The following CHDH variants were observed in gnomAD, a reference collection of about 807,000 sequenced individuals.
CHDH encodes choline dehydrogenase.
Under a neutral mutation model 56.9 loss-of-function variants are expected in CHDH, and 43 were observed. The ratio of observed to expected loss-of-function variants is 0.76; its 90% CI spans 0.59 to 0.97. The LOEUF (loss-of-function observed/expected upper bound fraction) is 0.97, where lower values mean the gene tolerates loss of function less well. Among genes scored for constraint, CHDH ranks in the 50% least tolerant of loss-of-function variants. The probability of loss-of-function intolerance (pLI) is 0.00; values close to 1 mark genes in which losing one functional copy is unlikely to be tolerated. For synonymous variants in CHDH, 364 were observed against 348.5 expected, an observed-to-expected ratio of 1.04 and a Z score of -0.50; for missense variants, 816 against 821.1, an observed-to-expected ratio of 0.99 and a Z score of 0.08.
At position 53,823,896 on chromosome 3, in the gene CHDH, C is replaced by T. The variant is rs748813760; in HGVS notation, c.113G>A (p.Arg38Gln). ...RALASAGSES[R>Q]DEYSYVVVGA... ...CACCACCACATAGCTGTACTCGTCCCGGCTCTCAGAGCCTGCGCTGGCCAG... is the reference window on the plus strand; with the variant it reads ...CACCACCACATAGCTGTACTCGTCCTGGCTCTCAGAGCCTGCGCTGGCCAG... Residue 38 changes from arginine (R) to glutamine (Q), a missense_variant, in exon 3 of 9, where the codon CGG becomes CAG. Transcript: ENST00000315251. 4.4e-6 allele frequency: 7 copies of T among 1,579,358 alleles called. No homozygotes were observed. In the East Asian group the frequency reaches 7.0e-5, roughly 16 times the overall value.
At chr3:53,844,764 C>A (rs1576813540) in intron 1 of CHDH, 1 of 152,350 alleles carries the variant, frequency 6.6e-6, no homozygotes, top group Admixed American at 6.5e-5. Flanking sequence ...CTCAGAGGGA[C>A]TAGCCCTCTA....
chr3:53,845,002 T>C (rs1237003844), intron 1 of CHDH, among the ~76,000 whole-genome samples: 2 of 152,220 alleles, frequency 1.3e-5, no homozygotes, highest in Non-Finnish European at 2.9e-5. Flanking sequence ...CCAGCACCCA[T>C]GTGTGGTTCA....
intron 2 of CHDH, among the ~76,000 whole-genome samples, chr3:53,839,565 T>A (rs1698609756): frequency 6.6e-6 from 1 of 152,266 alleles, no homozygotes; most frequent in African/African-American, 2.4e-5. Context: ...TCTGCAGTTA[T>A]GTTGTTTAAA....
intron 3 of CHDH, among the ~76,000 whole-genome samples, 198 bp from the exon 4 acceptor site, chr3:53,822,840 A>G (rs1198338065): frequency 6.6e-6 from 1 of 152,190 alleles, no homozygotes; most frequent in Non-Finnish European, 1.5e-5. Flanking sequence ...CCCTGGAGGC[A>G]GGTGGAAAAG....
chr3:53,843,187 CCT>C (rs1559766286), intron 1 of CHDH, among the ~76,000 whole-genome samples: 18 of 21,880 alleles, frequency 8.2e-4, no homozygotes, highest in African/African-American at 2.4e-3. Context: ...TCCCCCCCCA[CCT>C]TTTTTTTTTT....
At position 53,819,008 on chromosome 3, in the gene CHDH, C is replaced by T. The variant is rs1428426131; in HGVS notation, c.1296G>A (p.Val432=). Residue 432 remains valine (V), a synonymous_variant, in exon 8 of 9, where the codon GTG becomes GTA. Coordinates refer to ENST00000315251, the MANE Select transcript of CHDH (RefSeq NM_018397.5). The surrounding 1 kb of genome is among the most constrained non-coding windows in gnomAD (Gnocchi z 5.4). ...VHVGPMRGTS[V]GWLKLRSANP... ...TGGCACTTCTCAGTTTGAGCCAGCC[C>T]ACACTCGTGCCCCGCATGGGCCCCA... 1 of 1,613,864 alleles carries T rather than the reference C, an allele frequency of 6.2e-7. No individual in the cohort carries two copies. Among genetic ancestry groups the T allele is most frequent in the Non-Finnish European group, 8.5e-7 (1 of 1,179,792 alleles).
At chr3:53,842,030 C>A (rs1490823672) in intron 1 of CHDH, among the ~76,000 whole-genome samples, 2 of 151,842 alleles carry the variant, frequency 1.3e-5, no homozygotes, top group Non-Finnish European at 2.9e-5. Context: ...GTGGTGTGCA[C>A]CTGTAGTCCC....
At chr3:53,832,495 G>A (rs1698368300) in intron 2 of CHDH, among the ~76,000 whole-genome samples, 1 of 152,052 alleles carries the variant, frequency 6.6e-6, no homozygotes, top group Non-Finnish European at 1.5e-5. Flanking sequence ...TCGTACCACT[G>A]CACTCCAGCC....
In CHDH at chr3:53,820,577, C is replaced by T; in HGVS notation, c.1017G>A (p.Glu339=). The change falls in exon 6 of 9, where the codon GAG becomes GAA. Residue 339 remains glutamate (E), a synonymous_variant. Transcript: ENST00000315251. ...GGGTGCATGCCTGCTGAATGTAGAT[C>T]TCCAGGTGGTCTTGCAGGTTCTGGC... The part of the protein sequence containing the change: ...GVGQNLQDHL[E]IYIQQACTRP... 2 of 1,613,976 alleles carry T rather than the reference C, an allele frequency of 1.2e-6. No homozygotes were observed. The highest frequency in any genetic ancestry group is 2.2e-5 in the South Asian group (2 of 91,060).
At position 53,819,539 on chromosome 3, in the gene CHDH, G is replaced by A; in HGVS notation, c.1256C>T (p.Ala419Val). ...DHGRVPTQQE[A>V]YQVHVGPMRG... is the part of the protein sequence containing the mutation. Reference sequence around the variant, plus strand: ...GCTCTTCCACCTGCTCACCTGGTAAGCCTCCTGCTGGGTGGGGACCCGCCC... The same window carrying A: ...GCTCTTCCACCTGCTCACCTGGTAAACCTCCTGCTGGGTGGGGACCCGCCC... Residue 419 changes from alanine (A) to valine (V), a missense_variant, in exon 7 of 9, where the codon GCT (alanine) becomes GTT (valine). By Grantham distance (64) the Ala-to-Val change is moderately conservative. Coordinates refer to ENST00000315251, the MANE Select transcript of CHDH (RefSeq NM_018397.5). This position sits in a 1 kb window ranked among gnomAD's most constrained non-coding sequence, Gnocchi z 5.4. The A allele has an allele frequency of 1.2e-6, 2 of 1,609,248 alleles. No homozygotes were observed. Among genetic ancestry groups the A allele is most frequent in the South Asian group, 2.2e-5 (2 of 90,452 alleles).
Position 53,823,788 on chromosome 3 carries a change from G to T in CHDH, c.221C>A (p.Pro74His). 6.3e-7 allele frequency: 1 copy of T among 1,574,806 alleles called. No individual in the cohort carries two copies. The highest frequency in any genetic ancestry group is 2.4e-5 in the East Asian group (1 of 42,506). ...CTTGCTCCCCGCGAGCACGTCCTTG[G>T]GCCCGGCCTCCAGCAGCAGCACGCG... ...AERVLLLEAG[P>H]KDVLAGSKRL... The change falls in exon 3 of 9, where the codon CCC (proline) becomes CAC (histidine). Residue 74 changes from proline (P) to histidine (H), a missense_variant. Physicochemically the swap from Pro to His is moderately conservative, Grantham distance 77. Transcript: ENST00000315251.
At chr3:53,824,692 G>A (rs1431413859) in intron 2 of CHDH, among the ~76,000 whole-genome samples, 1 of 152,248 alleles carries the variant, frequency 6.6e-6, no homozygotes, top group East Asian at 1.9e-4. Context: ...AGATCACTCT[G>A]TAGAATGCTA....
rs2095604555 is a variant in CHDH, at chr3:53,812,464, T to C, written c.*5313A>G. On this transcript the variant is annotated 3_prime_UTR_variant, in exon 9 of 9. Coordinates refer to ENST00000315251, the MANE Select transcript of CHDH (RefSeq NM_018397.5). ...ATAAACCTATCATCTTTCCACAAGA[T>C]ATACCAGATGACTATTTGCAGTCTT... The C allele has an allele frequency of 6.6e-6, 1 of 152,244 alleles. No individual in the cohort carries two copies. Among genetic ancestry groups the C allele is most frequent in the African/African-American group, 2.4e-5 (1 of 41,460 alleles). The allele number at this position is 152,244 out of a possible 1,614,324, so 9.4% of individuals were successfully genotyped here. A position where few individuals can be genotyped will look rare whatever the true frequency, so the allele number is the denominator to read the frequency against.
At position 53,816,040 on chromosome 3, in the gene CHDH, G is replaced by A. The variant is rs530225982; in HGVS notation, c.*1737C>T. On this transcript the variant is annotated 3_prime_UTR_variant, in exon 9 of 9. Transcript: ENST00000315251. Reference sequence around the variant, plus strand: ...ATACAGGTAAGATTAAACAAGAGCTGCTTAAGATTTTTAAAAGGAGAGGTG... The same window carrying A: ...ATACAGGTAAGATTAAACAAGAGCTACTTAAGATTTTTAAAAGGAGAGGTG... The A allele has an allele frequency of 6.6e-6, 1 of 151,948 alleles. No homozygotes were observed. Among genetic ancestry groups the A allele is most frequent in the South Asian group, 2.1e-4 (1 of 4,812 alleles). 9.4% of individuals were successfully genotyped at this position (151,948 alleles called of 1,614,324 possible). A position where few individuals can be genotyped will look rare whatever the true frequency, so the allele number is the denominator to read the frequency against.
In CHDH at chr3:53,823,816, C is replaced by T. The variant is rs756292349; in HGVS notation, c.193G>A (p.Glu65Lys). Residue 65 changes from glutamate to lysine, a missense_variant, in exon 3 of 9, where the codon GAG (glutamate) becomes AAG (lysine). Coordinates refer to ENST00000315251, the MANE Select transcript of CHDH (RefSeq NM_018397.5). ...LAGRLTEDPA[E>K]RVLLLEAGPK... ...CCGGCCTCCAGCAGCAGCACGCGCT[C>T]GGCGGGGTCCTCCGTGAGCCTCCCA... 3.8e-6 allele frequency: 6 copies of T among 1,585,490 alleles called. No homozygotes were observed. Among genetic ancestry groups the T allele is most frequent in the Admixed American group, 3.5e-5 (2 of 57,596 alleles).
chr3:53,833,596 C>T (rs564107784), intron 2 of CHDH, among the ~76,000 whole-genome samples: 6 of 152,246 alleles, frequency 3.9e-5, no homozygotes, highest in Non-Finnish European at 5.9e-5. Context: ...GGATAGCATG[C>T]GTGTTCATTT....
chr3:53,833,874 G>C lies in CHDH; in HGVS notation c.-60+7055C>G, dbSNP rs961309768. Among the ~76,000 whole-genome samples the C allele has an allele frequency of 3.3e-5, 5 of 152,158 alleles. No individual in the cohort carries two copies. In the South Asian group the frequency reaches 8.3e-4, roughly 25 times the overall value. ...ACTCATGTGACATGAGTCCTCCCGC[G>C]GCACTGGGCAGCCCCACCAAGCCAC... On this transcript the variant is annotated intron_variant, in intron 2 of 8. Coordinates refer to ENST00000315251, the MANE Select transcript of CHDH (RefSeq NM_018397.5).
In CHDH at chr3:53,818,168, C is replaced by T; in HGVS notation, c.1394G>A (p.Cys465Tyr). The part of the protein sequence containing the change: ...TETDIEDFRL[C>Y]VKLTREIFAQ... ...AAAAATTTCTCTGGTGAGCTTCACACACAGACGGAAATCCTCAATATCAGT... is the reference window on the plus strand; with the variant it reads ...AAAAATTTCTCTGGTGAGCTTCACATACAGACGGAAATCCTCAATATCAGT... The change falls in exon 9 of 9, where the codon TGT becomes TAT. Residue 465 changes from cysteine to tyrosine, a missense_variant. Cys to Tyr is a radical substitution (Grantham distance 194). Coordinates refer to ENST00000315251, the MANE Select transcript of CHDH (RefSeq NM_018397.5). The T allele has an allele frequency of 6.2e-7, 1 of 1,610,668 alleles. No homozygotes were observed. The highest frequency in any genetic ancestry group is 8.5e-7 in the Non-Finnish European group (1 of 1,178,778).
At chr3:53,818,336 GC>G in intron 8 of CHDH, 141 bp from the exon 9 acceptor site, 1 of 747,422 alleles carries the variant, frequency 1.3e-6, no homozygotes, top group Non-Finnish European at 2.1e-6. Flanking sequence ...GGGGGACTGA[GC>G]CAGCAGGCTG....
Sources: gnomAD v4.1 joint callset for allele counts (sites outside exome capture counted in the v4.1 genomes callset) on GRCh38, gnomAD v4.1.1 for gene constraint, Gnocchi (gnomAD v3.1) non-coding constraint, MANE v1.5 for transcripts, NCBI Gene and HGNC (gene_info 2026-07-23, HGNC 2026-07-21) for gene names.